The following WFDC1 variants were observed in gnomAD, a reference collection of about 807,000 sequenced individuals.
WFDC1 encodes WAP four-disulfide core domain protein 1.
A neutral mutation model predicts 32.9 loss-of-function variants in WFDC1; 39 were observed. The observed-to-expected ratio is 1.19, with a 90% CI of 0.92 to 1.55. WFDC1 has a LOEUF of 1.55. Ranked by LOEUF, WFDC1 falls within the 40% of genes most tolerant of loss-of-function variation. The pLI is 0.00. For synonymous variants in WFDC1, 184 were observed against 137.4 expected, an observed-to-expected ratio of 1.34 and a Z score of -2.37; for missense variants, 386 against 309.5, an observed-to-expected ratio of 1.25 and a Z score of -1.85.
chr16:84,297,644 A>AT (rs1255833414), intron 1 of WFDC1, among the ~76,000 whole-genome samples: 8,361 of 144,466 alleles, frequency 0.058, 495 homozygotes, highest in South Asian at 0.1. Flanking sequence ...AAAAAAAAAA[A>AT]AAACTGTGCC....
chr16:84,320,656 G>A lies in WFDC1; in HGVS notation c.562+1085G>A, dbSNP rs950209228. Reference sequence around the variant, plus strand: ...ATGGAGTTTGGATGAACTGTGTGGTGAGCCAGGAATCTGGGACTTCAGGGT... The same window carrying A: ...ATGGAGTTTGGATGAACTGTGTGGTAAGCCAGGAATCTGGGACTTCAGGGT... On this transcript the variant is annotated intron_variant, in intron 4 of 6. Transcript: ENST00000219454. Among the ~76,000 whole-genome samples, 7 of 152,340 alleles carry A rather than the reference G, an allele frequency of 4.6e-5. No individual in the cohort carries two copies. In the South Asian group the frequency reaches 1.2e-3, roughly 27 times the overall value.
At chr16:84,301,998 G>A (rs1347914074) in intron 1 of WFDC1, among the ~76,000 whole-genome samples, 1 of 152,208 alleles carries the variant, frequency 6.6e-6, no homozygotes, top group Non-Finnish European at 1.5e-5. Flanking sequence ...CCCATGGGGT[G>A]AGCACATCGC....
intron 1 of WFDC1, among the ~76,000 whole-genome samples, 182 bp from the exon 2 acceptor site, chr16:84,312,779 C>T (rs1473338454): frequency 1.3e-5 from 2 of 152,300 alleles, no homozygotes; most frequent in East Asian, 3.9e-4. Context: ...TAAAAAGATA[C>T]ATGGTATCTT....
intron 1 of WFDC1, 131 bp downstream of exon 1, chr16:84,295,246 A>G (rs1032893217): frequency 8.2e-7 from 1 of 1,221,108 alleles, no homozygotes; most frequent in Non-Finnish European, 1.1e-6. Flanking sequence ...GCGTCTTCCT[A>G]TCCGTGTGTG....
intron 2 of WFDC1, chr16:84,316,140 G>A (rs775623602): frequency 6.6e-6 from 1 of 152,226 alleles, no homozygotes; most frequent in African/African-American, 2.4e-5. Context: ...TGGAAAGGAG[G>A]GAAGAACCGA....
At chr16:84,312,684 A>C (rs181756038) in intron 1 of WFDC1, among the ~76,000 whole-genome samples, 21 of 152,254 alleles carry the variant, frequency 1.4e-4, no homozygotes, top group African/African-American at 4.8e-4. Context: ...CCGGGTAGAT[A>C]CTTAAGTAAT....
At chr16:84,308,824 A>G (rs1212756457) in intron 1 of WFDC1, among the ~76,000 whole-genome samples, 10 of 150,360 alleles carry the variant, frequency 6.7e-5, no homozygotes, top group African/African-American at 1.7e-4. Context: ...TGCCATCCTC[A>G]GTGTAGATGC....
chr16:84,299,288 C>T (rs1187268222), intron 1 of WFDC1, among the ~76,000 whole-genome samples: 3 of 151,906 alleles, frequency 2.0e-5, no homozygotes, highest in Non-Finnish European at 4.4e-5. Flanking sequence ...TGCTTGAACC[C>T]TGGGAGGCGG....
chr16:84,318,581 A>C lies in WFDC1; in HGVS notation c.421+226A>C, dbSNP rs2151378005. 1.7e-5 allele frequency: 8 copies of C among 467,984 alleles called. No individual in the cohort carries two copies. In the East Asian group the frequency reaches 2.1e-4, roughly 12 times the overall value. The allele number at this position is 467,984 out of a possible 1,614,324, so 29.0% of individuals were successfully genotyped here. ...AGAATAAGGGCTTCGACTCTCCCCA[A>C]GAATGGAGCCTCCTCCTGGATGGAG... On this transcript the variant is annotated intron_variant, in intron 3 of 6. Transcript: ENST00000219454.
At chr16:84,299,343 C>A (rs2151365124) in intron 1 of WFDC1, among the ~76,000 whole-genome samples, 1 of 147,290 alleles carries the variant, frequency 6.8e-6, no homozygotes, top group African/African-American at 2.5e-5. Flanking sequence ...CCAGCCTGGG[C>A]AAGAAGAGCG....
At position 84,319,509 on chromosome 16, in the gene WFDC1, C is replaced by T. The variant is rs1479898738; in HGVS notation, c.500C>T (p.Pro167Leu). 1.9e-6 allele frequency: 3 copies of T among 1,613,014 alleles called. No individual in the cohort carries two copies. The highest frequency in any genetic ancestry group is 2.5e-6 in the Non-Finnish European group (3 of 1,179,952). Residue 167 changes from proline (P) to leucine (L), a missense_variant, in exon 4 of 7, where the codon CCA becomes CTA. Transcript: ENST00000219454. ...PSGYECHILS[P>L]GDVAEGIPNR... The stretch of plus-strand genomic sequence containing the variant: ...GGCTATGAGTGCCACATCCTGAGCC[C>T]AGGTGACGTGGCCGAAGGTATCCCC...
intron 1 of WFDC1, 181 bp downstream of exon 1, chr16:84,295,296 A>C: frequency 1.5e-6 from 1 of 675,006 alleles, no homozygotes; most frequent in Non-Finnish European, 2.4e-6. Flanking sequence ...CACCCCCAAA[A>C]AAGGACCCTT....
In WFDC1 at chr16:84,329,719, C is replaced by T. The variant is rs1220977944; in HGVS notation, c.*413C>T. 6.6e-6 allele frequency: 1 copy of T among 152,190 alleles called. No homozygotes were observed. Among genetic ancestry groups the T allele is most frequent in the African/African-American group, 2.4e-5 (1 of 41,432 alleles). 9.4% of individuals were successfully genotyped at this position (152,190 alleles called of 1,614,324 possible). On this transcript the variant is annotated 3_prime_UTR_variant, in exon 7 of 7. Coordinates refer to ENST00000219454, the MANE Select transcript of WFDC1 (RefSeq NM_021197.4). Reference sequence around the variant, plus strand: ...CAAATGTTCCCAAGATAAATTCATCCTTCAGGAAATGGAAATGAACTTGCT... The same window carrying T: ...CAAATGTTCCCAAGATAAATTCATCTTTCAGGAAATGGAAATGAACTTGCT...
At position 84,329,415 on chromosome 16, in the gene WFDC1, G is replaced by A. The variant is rs149565057; in HGVS notation, c.*109G>A. ...CTCACAGTTCACATTCAGCTCAGCAGAGCAAGACCCCAGAGATGCTTAGAG... is the reference window on the plus strand; with the variant it reads ...CTCACAGTTCACATTCAGCTCAGCAAAGCAAGACCCCAGAGATGCTTAGAG... On this transcript the variant is annotated 3_prime_UTR_variant, in exon 7 of 7. Coordinates refer to ENST00000219454, the MANE Select transcript of WFDC1 (RefSeq NM_021197.4). The A allele has an allele frequency of 6.6e-6, 1 of 152,312 alleles. No individual in the cohort carries two copies. The highest frequency in any genetic ancestry group is 2.4e-5 in the African/African-American group (1 of 41,574). The allele number at this position is 152,312 out of a possible 1,614,324, so 9.4% of individuals were successfully genotyped here. A position where few individuals can be genotyped will look rare whatever the true frequency, so the allele number is the denominator to read the frequency against.
At chr16:84,300,597 A>G (rs1466724902) in intron 1 of WFDC1, among the ~76,000 whole-genome samples, 2 of 152,250 alleles carry the variant, frequency 1.3e-5, no homozygotes, top group African/African-American at 4.8e-5. Context: ...CAGGTTCATT[A>G]CAGGTGTAAT....
chr16:84,324,123 GA>G (rs60988353), intron 4 of WFDC1, among the ~76,000 whole-genome samples: 113,126 of 149,446 alleles, frequency 0.76, 43,813 homozygotes, highest in Non-Finnish European at 0.85. Flanking sequence ...TCGTCTAAAA[GA>G]AAAAAAAAAA....
chr16:84,325,556 C>T (rs1012720712), intron 5 of WFDC1: 3 of 151,718 alleles, frequency 2.0e-5, no homozygotes, highest in Non-Finnish European at 2.9e-5. Context: ...TCCATCCACC[C>T]ACCCATCTAT....
chr16:84,317,228 G>C (rs943752672), intron 2 of WFDC1: 1 of 152,086 alleles, frequency 6.6e-6, no homozygotes, highest in Non-Finnish European at 1.5e-5. Flanking sequence ...GGGAGGCAGA[G>C]GTTGCAATGA....
intron 2 of WFDC1, among the ~76,000 whole-genome samples, chr16:84,314,216 C>G (rs546309371): frequency 6.6e-6 from 1 of 152,030 alleles, no homozygotes; most frequent in Non-Finnish European, 1.5e-5. Context: ...ATTGGCAGGA[C>G]GGAGTTTCAG....
Sources: allele counts gnomAD v4.1 joint callset (sites outside exome capture counted in the v4.1 genomes callset), GRCh38; gene constraint gnomAD v4.1.1; transcripts MANE v1.5; gene names NCBI Gene and HGNC (gene_info 2026-07-23, HGNC 2026-07-21).